CNTN1: variants seen among roughly 807,000 people sequenced by gnomAD.
The protein encoded by CNTN1 is contactin-1.
CNTN1 carries 38 observed loss-of-function variants against 126.4 expected under a neutral mutation model. The observed-to-expected ratio is 0.30, with a 90% CI of 0.23 to 0.39. CNTN1 has a LOEUF of 0.39. CNTN1 is among the 10% of genes least tolerant of loss of function. The pLI is 1.00. For synonymous variants in CNTN1, 413 were observed against 422.6 expected (o/e 0.98, Z 0.28); for missense variants, 1,009 against 1,248.4 (o/e 0.81, Z 2.89).
At chr12:40,899,913 G>A (rs1944548766) in intron 1 of CNTN1, among the ~76,000 whole-genome samples, 1 of 152,018 alleles carries the variant, frequency 6.6e-6, no homozygotes, top group South Asian at 2.1e-4. Flanking sequence ...ATAATCTAAA[G>A]CAAAGACAGA....
rs184784000 is a variant in CNTN1 at position 40,793,225 on chromosome 12, G to A, written c.-77+100633G>A. ...TGCCTTCTGTAACCTGTCTTGCCAT[G>A]CTCCAATCCTTTATTTTTTCTGTAA... is the stretch of plus-strand genomic sequence containing the variant. On this transcript the variant is annotated intron_variant, in intron 1 of 23. Coordinates refer to ENST00000551295, the MANE Select transcript of CNTN1 (RefSeq NM_001843.4). Among the ~76,000 whole-genome samples the A allele has an allele frequency of 1.5e-3, 231 of 152,140 alleles. 1 individual carries two copies. Among genetic ancestry groups the A allele is most frequent in the African/African-American group, 5.0e-3 (208 of 41,530 alleles).
intron 17 of CNTN1, among the ~76,000 whole-genome samples, chr12:41,000,965 G>T (rs1233975352): frequency 3.9e-5 from 6 of 152,070 alleles, no homozygotes; most frequent in Non-Finnish European, 1.5e-5. Flanking sequence ...ACATGGTCTT[G>T]TTCTTTTTTA....
chr12:40,909,519 C>T (rs974668992), intron 2 of CNTN1, among the ~76,000 whole-genome samples: 1 of 151,576 alleles, frequency 6.6e-6, no homozygotes, highest in Non-Finnish European at 1.5e-5. Context: ...ATATAAATCC[C>T]CATTGATCAC....
At chr12:40,857,130 A>G (rs73120744) in intron 1 of CNTN1, among the ~76,000 whole-genome samples, 1,705 of 152,246 alleles carry the variant, frequency 0.011, 25 homozygotes, top group African/African-American at 0.039. Flanking sequence ...GAAATGAAGT[A>G]CTGAGAACTA....
At chr12:40,773,662 TATATATATATACAC>T (rs1939448145) in intron 1 of CNTN1, among the ~76,000 whole-genome samples, 19 of 7,384 alleles carry the variant, frequency 2.6e-3, no homozygotes, top group African/African-American at 4.5e-3. Flanking sequence ...TATACACATA[TATATATATATACAC>T]ATATATATAT....
chr12:40,826,987 C>T (rs1172312452), intron 1 of CNTN1, among the ~76,000 whole-genome samples: 1 of 152,084 alleles, frequency 6.6e-6, no homozygotes, highest in Non-Finnish European at 1.5e-5. Context: ...AAAAATAAGG[C>T]TTAATTGATT....
At chr12:40,857,498 T>C (rs167492) in intron 1 of CNTN1, among the ~76,000 whole-genome samples, 55,775 of 151,756 alleles carry the variant, frequency 0.37, 10,208 homozygotes, top group Admixed American at 0.42. Context: ...GTTAGAAACA[T>C]TTATACCTTT....
chr12:40,804,256 G>T (rs749017875), intron 1 of CNTN1, among the ~76,000 whole-genome samples: 1 of 151,948 alleles, frequency 6.6e-6, no homozygotes, highest in Non-Finnish European at 1.5e-5. Context: ...ATTGAAGTAG[G>T]AAAGGAGTAA....
chr12:40,732,817 A>C (rs1942533257), intron 1 of CNTN1, among the ~76,000 whole-genome samples: 1 of 152,082 alleles, frequency 6.6e-6, no homozygotes, highest in African/African-American at 2.4e-5. Flanking sequence ...TCCCTAATCC[A>C]GTAGCATTCT....
chr12:40,870,748 G>A (rs1045702403), intron 1 of CNTN1, among the ~76,000 whole-genome samples: 39 of 151,560 alleles, frequency 2.6e-4, no homozygotes, highest in Non-Finnish European at 7.4e-5. Context: ...ACACATGCAC[G>A]CACACACACA....
At chr12:40,906,459 T>C (rs79671674) in intron 1 of CNTN1, among the ~76,000 whole-genome samples, 3 of 152,102 alleles carry the variant, frequency 2.0e-5, no homozygotes, top group Admixed American at 1.3e-4. Flanking sequence ...TTGTCCAGCC[T>C]CTGCCAAATG....
At chr12:41,008,623 G>C (rs1948565758) in intron 17 of CNTN1, among the ~76,000 whole-genome samples, 1 of 151,940 alleles carries the variant, frequency 6.6e-6, no homozygotes, top group African/African-American at 2.4e-5. Flanking sequence ...AAACTTTCTG[G>C]CTTGTCCTAA....
intron 1 of CNTN1, among the ~76,000 whole-genome samples, chr12:40,780,858 T>G (rs1939768769): frequency 6.6e-6 from 1 of 151,474 alleles, no homozygotes; most frequent in African/African-American, 2.4e-5. Context: ...CCTGGAATGA[T>G]GCTCATACCA....
At chr12:40,720,764 T>C (rs777688842) in intron 1 of CNTN1, among the ~76,000 whole-genome samples, 9 of 151,858 alleles carry the variant, frequency 5.9e-5, no homozygotes, top group Non-Finnish European at 8.8e-5. Flanking sequence ...CTGTCTCTAC[T>C]AAAAATACAA....
intron 1 of CNTN1, among the ~76,000 whole-genome samples, chr12:40,769,980 G>A (rs956391566): frequency 2.0e-5 from 3 of 152,158 alleles, no homozygotes; most frequent in South Asian, 2.1e-4. Context: ...GAACTCTGTT[G>A]CAGAGAAGTG....
chr12:40,845,215 A>G (rs981557139), intron 1 of CNTN1, among the ~76,000 whole-genome samples: 3 of 152,358 alleles, frequency 2.0e-5, no homozygotes, highest in Middle Eastern at 6.8e-3. Flanking sequence ...TTAGGAATAA[A>G]CAAGAGTAAA....
At chr12:40,972,150 G>T in intron 15 of CNTN1, 1 of 985,380 alleles carries the variant, frequency 1.0e-6, no homozygotes. Context: ...CCTCATCTGA[G>T]TAGCAAGATT....
intron 1 of CNTN1, among the ~76,000 whole-genome samples, chr12:40,830,791 G>GTGTA (rs1334401189): frequency 3.4e-4 from 26 of 75,818 alleles, no homozygotes; most frequent in South Asian, 2.0e-3. Flanking sequence ...AAAGTATAGT[G>GTGTA]TATATATATA....
intron 23 of CNTN1, among the ~76,000 whole-genome samples, chr12:41,051,499 C>T (rs1949681222): frequency 6.6e-6 from 1 of 151,650 alleles, no homozygotes; most frequent in Non-Finnish European, 1.5e-5. Flanking sequence ...GTACTTTAGT[C>T]TTATGCTATT....
Sources: allele counts gnomAD v4.1 joint callset (sites outside exome capture counted in the v4.1 genomes callset), GRCh38; gene constraint gnomAD v4.1.1; transcripts MANE v1.5; gene names NCBI Gene and HGNC (gene_info 2026-07-23, HGNC 2026-07-21).